Variants in HCN1 observed in about 807,000 individuals in gnomAD.
HCN1 encodes the protein potassium/sodium hyperpolarization-activated cyclic nucleotide-gated channel 1.
In HCN1, 13 loss-of-function variants were observed where a neutral mutation model predicts 78.9. The ratio of observed to expected loss-of-function variants is 0.16; its 90% confidence interval spans 0.11 to 0.26. The LOEUF (loss-of-function observed/expected upper bound fraction) is 0.26. HCN1 is among the 10% of genes least tolerant of loss of function. The pLI is 1.00. For missense variants in HCN1, 810 were observed against 1,154.3 expected, an observed-to-expected ratio of 0.70 and a Z score of 4.32; for synonymous variants, 552 against 455.5, an observed-to-expected ratio of 1.21 and a Z score of -2.70.
At chr5:45,363,687 G>A (rs1466226607) in intron 4 of HCN1, among the ~76,000 whole-genome samples, 1 of 151,902 alleles carries the variant, frequency 6.6e-6, no homozygotes, top group Non-Finnish European at 1.5e-5. Context: ...AATCATGGGG[G>A]CCAGTTTTTC....
At chr5:45,638,597 G>A (rs1745397568) in intron 2 of HCN1, among the ~76,000 whole-genome samples, 1 of 152,132 alleles carries the variant, frequency 6.6e-6, no homozygotes, top group African/African-American at 2.4e-5. Context: ...CGCACACCCT[G>A]TTAAAACTTT....
chr5:45,653,576 T>C (rs1745716209), intron 1 of HCN1, among the ~76,000 whole-genome samples: 1 of 151,764 alleles, frequency 6.6e-6, no homozygotes, highest in African/African-American at 2.4e-5. Context: ...CGTTAATGAT[T>C]TTAAATTGCC....
rs1047244096 is a variant in HCN1, at chr5:45,375,380, T to G, written c.1230+21112A>C. 1.1e-3 allele frequency among the ~76,000 whole-genome samples: 120 copies of G among 112,434 alleles called. 1 individual carries two copies. The highest frequency in any genetic ancestry group is 6.1e-3 in the East Asian group (22 of 3,584). The allele number at this position is 112,434 out of a possible 152,430, so 73.8% of individuals were successfully genotyped here. On this transcript the variant is annotated intron_variant, in intron 4 of 7. Coordinates refer to ENST00000303230, the MANE Select transcript of HCN1 (RefSeq NM_021072.4). ...ATTTTATGATATACAATATATATAA[T>G]ATAATATTTTATGATACATATTATA...
chr5:45,264,952 A>G (rs1489492854), intron 7 of HCN1, among the ~76,000 whole-genome samples: 2 of 152,162 alleles, frequency 1.3e-5, no homozygotes, highest in Admixed American at 1.3e-4. Flanking sequence ...GCACTGTGGG[A>G]GGCTGAGATG....
intron 4 of HCN1, among the ~76,000 whole-genome samples, chr5:45,386,130 A>G (rs1299734334): frequency 1.3e-5 from 2 of 151,642 alleles, no homozygotes; most frequent in African/African-American, 4.8e-5. Flanking sequence ...TGAATATTAT[A>G]CTTATTGTAC....
At chr5:45,553,633 A>G (rs1396314719) in intron 2 of HCN1, among the ~76,000 whole-genome samples, 1 of 151,950 alleles carries the variant, frequency 6.6e-6, no homozygotes, top group Non-Finnish European at 1.5e-5. Context: ...GTATTTGCAT[A>G]TAACCTATGC....
chr5:45,300,656 A>C (rs1455132987), intron 6 of HCN1, among the ~76,000 whole-genome samples: 4 of 152,152 alleles, frequency 2.6e-5, no homozygotes, highest in Admixed American at 1.3e-4. Flanking sequence ...AAGATTCTGC[A>C]GAGTCAAAAA....
chr5:45,678,463 G>A (rs1324115620), intron 1 of HCN1, among the ~76,000 whole-genome samples: 1 of 151,876 alleles, frequency 6.6e-6, no homozygotes, highest in Non-Finnish European at 1.5e-5. Flanking sequence ...TATAGTGGTA[G>A]ATTGCAACCT....
chr5:45,279,822 ACACC>A (rs1745125598), intron 6 of HCN1, among the ~76,000 whole-genome samples: 1 of 152,110 alleles, frequency 6.6e-6, no homozygotes, highest in Admixed American at 6.6e-5. Context: ...TATCACCATA[ACACC>A]CCCAAAATTA....
At chr5:45,450,098 T>C (rs562857619) in intron 3 of HCN1, among the ~76,000 whole-genome samples, 1 of 152,356 alleles carries the variant, frequency 6.6e-6, no homozygotes, top group East Asian at 1.9e-4. Context: ...CCCAAAATGC[T>C]GGGATTACAG....
intron 5 of HCN1, among the ~76,000 whole-genome samples, chr5:45,337,555 T>C (rs1422791216): frequency 1.3e-5 from 2 of 152,174 alleles, no homozygotes; most frequent in African/African-American, 4.8e-5. Flanking sequence ...TATTGTGTAC[T>C]TATTAATTTT....
At position 45,644,815 on chromosome 5, in the gene HCN1, G is replaced by A. The variant is rs34948740; in HGVS notation, c.849+370C>T. ...ACAGAGCTAATGATGTGCCAGATTA[G>A]CAATCAGACCCTACACATCTTTATC... On this transcript the variant is annotated intron_variant, in intron 2 of 7. Coordinates refer to ENST00000303230, the MANE Select transcript of HCN1 (RefSeq NM_021072.4). The A allele has an allele frequency of 5.5e-3, 1,297 of 234,078 alleles. 5 individuals are homozygous for A. Among genetic ancestry groups the A allele is most frequent in the Non-Finnish European group, 7.8e-3 (953 of 121,798 alleles). The allele number at this position is 234,078 out of a possible 1,614,324, so 14.5% of individuals were successfully genotyped here.
chr5:45,345,471 A>G (rs563425835), intron 5 of HCN1, among the ~76,000 whole-genome samples: 11 of 152,262 alleles, frequency 7.2e-5, no homozygotes, highest in African/African-American at 2.6e-4. Flanking sequence ...AAAATATTTC[A>G]AAGTTTTATG....
intron 3 of HCN1, among the ~76,000 whole-genome samples, chr5:45,459,401 C>CA (rs34217584): frequency 0.3 from 33,556 of 111,426 alleles, 4,205 homozygotes; most frequent in African/African-American, 0.34. Flanking sequence ...AATCTGCAGC[C>CA]AAAAAAAAAA....
In HCN1 at chr5:45,273,806, TTTTGTC is replaced by T. The variant is rs562761591; in HGVS notation, c.1619-6559_1619-6554del. Among the ~76,000 whole-genome samples, 92 of 152,274 alleles carry T rather than the reference TTTTGTC, an allele frequency of 6.0e-4. 1 individual carries two copies. The East Asian group carries it at 0.01, about 17-fold the overall frequency. On this transcript the variant is annotated intron_variant, in intron 6 of 7. Transcript: ENST00000303230. ...AGAAAATATCACTTTTTTGCTTTCT[TTTTGTC>T]TTTGTAGACTTTCTGTATTTATATT...
intron 4 of HCN1, among the ~76,000 whole-genome samples, chr5:45,376,442 A>G (rs1747678984): frequency 6.7e-6 from 1 of 148,796 alleles, no homozygotes; most frequent in East Asian, 2.0e-4. Flanking sequence ...AACGACCAGG[A>G]AGTTGCCCTC....
intron 2 of HCN1, among the ~76,000 whole-genome samples, chr5:45,484,930 G>C (rs1419388652): frequency 6.6e-6 from 1 of 152,146 alleles, no homozygotes; most frequent in Non-Finnish European, 1.5e-5. Context: ...AAGAAAAGCA[G>C]CTCTGAAGGC....
intron 6 of HCN1, among the ~76,000 whole-genome samples, chr5:45,276,604 G>A (rs781411306): frequency 1.3e-5 from 2 of 152,102 alleles, no homozygotes. Flanking sequence ...CCTGCAACCT[G>A]TACCTTAGGC....
chr5:45,651,451 A>C (rs1745672875), intron 1 of HCN1, among the ~76,000 whole-genome samples: 1 of 151,984 alleles, frequency 6.6e-6, no homozygotes, highest in Admixed American at 6.6e-5. Context: ...AATATGAAAC[A>C]TGAATTGAGC....
Sources: allele counts gnomAD v4.1 joint callset (sites outside exome capture counted in the v4.1 genomes callset), GRCh38; gene constraint gnomAD v4.1.1; transcripts MANE v1.5; gene names NCBI Gene and HGNC (gene_info 2026-07-23, HGNC 2026-07-21).